The following CAPN9 variants were observed in gnomAD, a reference collection of about 807,000 sequenced individuals.
CAPN9 encodes calpain 9, also known as calpain-9.
Under a neutral mutation model 92.8 loss-of-function variants are expected in CAPN9, and 81 were observed. The observed-to-expected ratio is 0.87, with a 90% confidence interval of 0.73 to 1.05. The LOEUF is 1.05. Ranked by LOEUF, CAPN9 falls within the 50% of genes least tolerant of loss-of-function variation. The pLI, the probability that CAPN9 is intolerant of heterozygous loss-of-function variation, is 0.00. For synonymous variants in CAPN9, 304 were observed against 328.0 expected (o/e 0.93, Z 0.79); for missense variants, 848 against 866.2 (o/e 0.98, Z 0.26).
At chr1:230,773,452 T>G (rs957591422) in intron 7 of CAPN9, among the ~76,000 whole-genome samples, 8 of 152,228 alleles carry the variant, frequency 5.3e-5, no homozygotes, top group African/African-American at 1.9e-4. Context: ...AATGGGCCAT[T>G]GTCTCCCATT....
intron 11 of CAPN9, among the ~76,000 whole-genome samples, chr1:230,783,012 G>A (rs1055021626): frequency 3.9e-5 from 6 of 152,028 alleles, no homozygotes; most frequent in East Asian, 1.9e-4. Context: ...GTGAGACTCC[G>A]TCTAAAAAAA....
At chr1:230,757,599 C>T (rs973876602) in intron 2 of CAPN9, among the ~76,000 whole-genome samples, 2 of 151,604 alleles carry the variant, frequency 1.3e-5, no homozygotes, top group African/African-American at 4.9e-5. Flanking sequence ...ACTAGAACAT[C>T]TGGTCATGTA....
rs541625770 is a variant in CAPN9, at chr1:230,791,923, A to G, written c.1717A>G (p.Met573Val). ...LISCKNIISL[M>V]DTSGNGKLEF... ...CTCCTGTAAAAACATCATTTCCCTG[A>G]TGGACGTATCCTTCCAAATATTTGA... Residue 573 changes from methionine to valine, a missense_variant, in exon 15 of 20, where the codon ATG becomes GTG. Transcript: ENST00000271971. 3.5e-5 allele frequency: 57 copies of G among 1,609,892 alleles called. 1 individual carries two copies. Among genetic ancestry groups the G allele is most frequent in the South Asian group, 2.4e-4 (22 of 90,964 alleles).
In CAPN9 at chr1:230,780,627, T is replaced by A; in HGVS notation, c.1400T>A (p.Ile467Asn). 6.2e-7 allele frequency: 1 copy of A among 1,614,138 alleles called. No individual in the cohort carries two copies. The highest frequency in any genetic ancestry group is 1.1e-5 in the South Asian group (1 of 91,078). Residue 467 changes from isoleucine (I) to asparagine (N), a missense_variant, in exon 11 of 20, where the codon ATC (isoleucine) becomes AAC (asparagine). Coordinates refer to ENST00000271971, the MANE Select transcript of CAPN9 (RefSeq NM_006615.3). Reference sequence around the variant, plus strand: ...TTCAAGCTGCCCCCTGGGGAGTACATCCTGATTCCCAGCACTTTTGAGCCC... The same window carrying A: ...TTCAAGCTGCCCCCTGGGGAGTACAACCTGATTCCCAGCACTTTTGAGCCC... The part of the protein sequence containing the change: ...DRFKLPPGEY[I>N]LIPSTFEPHQ...
In CAPN9 at chr1:230,780,830, CA is replaced by C; in HGVS notation, c.1481+124del. 4.2e-6 allele frequency: 3 copies of C among 714,902 alleles called. No homozygotes were observed. In the South Asian group the frequency reaches 5.2e-5, roughly 12 times the overall value. 44.3% of individuals were successfully genotyped at this position (714,902 alleles called of 1,614,324 possible). A position where few individuals can be genotyped will look rare whatever the true frequency, so the allele number is the denominator to read the frequency against. On this transcript the variant is annotated intron_variant, in intron 11 of 19. Transcript: ENST00000271971. ...CCCTTTCCCATGTGTACCTGAGAAA[CA>C]AGGCAGGATGGTTTCTTTCTTTTCT...
intron 14 of CAPN9, among the ~76,000 whole-genome samples, chr1:230,791,653 G>A (rs547211216): frequency 1.1e-4 from 16 of 152,216 alleles, no homozygotes; most frequent in East Asian, 3.9e-4. Context: ...GGATGAAGGC[G>A]TATTCCCACT....
intron 1 of CAPN9, among the ~76,000 whole-genome samples, chr1:230,748,477 G>A (rs1664571308): frequency 1.3e-5 from 2 of 152,184 alleles, no homozygotes; most frequent in South Asian, 4.1e-4. Context: ...AGGAGGGGCA[G>A]TACAAGGGAT....
intron 3 of CAPN9, among the ~76,000 whole-genome samples, chr1:230,759,962 C>G (rs1433784100): frequency 2.0e-5 from 3 of 152,180 alleles, no homozygotes; most frequent in Non-Finnish European, 4.4e-5. Context: ...ATTATACCTC[C>G]AGGAAACTGG....
At chr1:230,764,156 TA>T (rs1401335542) in intron 4 of CAPN9, among the ~76,000 whole-genome samples, 1 of 152,208 alleles carries the variant, frequency 6.6e-6, no homozygotes. Context: ...GGTGAAGCAT[TA>T]TTTCTGGGTG....
chr1:230,774,640 C>T lies in CAPN9; in HGVS notation c.953+9C>T, dbSNP rs193126303. The T allele has an allele frequency of 1.5e-5, 24 of 1,609,304 alleles. No individual in the cohort carries two copies. The African/African-American group carries it at 2.7e-4, about 18-fold the overall frequency. On this transcript the variant is annotated intron_variant, in intron 8 of 19. Transcript: ENST00000271971. ...GATGATGGGGAATTCTGGTACCGTG[C>T]TTGTTCCTGTGTTAACTGCAGATAC...
At chr1:230,767,731 A>C (rs771580006) in intron 5 of CAPN9, 22 bp downstream of exon 5, 2 of 1,608,248 alleles carry the variant, frequency 1.2e-6, no homozygotes, top group South Asian at 2.2e-5. Context: ...ATGGGCTCCC[A>C]TTCCAGGCAC....
At position 230,779,554 on chromosome 1, in the gene CAPN9, G is replaced by A. The variant is rs75212557; in HGVS notation, c.1114+421G>A. 2.0e-5 allele frequency among the ~76,000 whole-genome samples: 3 copies of A among 152,222 alleles called. No individual in the cohort carries two copies. In the East Asian group the frequency reaches 5.8e-4, roughly 29 times the overall value. Reference sequence around the variant, plus strand: ...TTTCTTTATAATCACAGGAGGGCTGGCAGCAGTATCCAGGGCTTCCTGAGC... The same window carrying A: ...TTTCTTTATAATCACAGGAGGGCTGACAGCAGTATCCAGGGCTTCCTGAGC... On this transcript the variant is annotated intron_variant, in intron 9 of 19. Coordinates refer to ENST00000271971, the MANE Select transcript of CAPN9 (RefSeq NM_006615.3).
chr1:230,780,477 C>T (rs2102897530), intron 10 of CAPN9, 23 bp from the exon 11 acceptor site: 2 of 1,611,534 alleles, frequency 1.2e-6, no homozygotes, highest in South Asian at 2.2e-5. Context: ...CTAGGAAACC[C>T]CTCCCTTTCT....
chr1:230,778,995 G>T lies in CAPN9; in HGVS notation c.976G>T (p.Ala326Ser), dbSNP rs763956045. 2 of 1,613,604 alleles carry T rather than the reference G, an allele frequency of 1.2e-6. No individual in the cohort carries two copies. Among genetic ancestry groups the T allele is most frequent in the African/African-American group, 1.3e-5 (1 of 74,882 alleles). ...CAGGATGGCATTTAAGGACTTCAAGGCCCACTTTGATAAAGTGGAGATCTG... is the reference window on the plus strand; with the variant it reads ...CAGGATGGCATTTAAGGACTTCAAGTCCCACTTTGATAAAGTGGAGATCTG... ...EFWMAFKDFK[A>S]HFDKVEICNL... The change falls in exon 9 of 20, where the codon GCC becomes TCC. Residue 326 changes from alanine to serine, a missense_variant. Transcript: ENST00000271971.
In CAPN9 at chr1:230,787,379, C is replaced by T. The variant is rs1293211852; in HGVS notation, c.1519-143C>T. On this transcript the variant is annotated intron_variant, in intron 12 of 19. Transcript: ENST00000271971. ...AGCCTTCATGAGAAAATGTTCCTCA[C>T]GCTACAGGACGCAGCTTGTGCACAC... is the stretch of plus-strand genomic sequence containing the variant. 6.2e-5 allele frequency: 39 copies of T among 631,862 alleles called. 2 individuals are homozygous for T. The highest frequency in any genetic ancestry group is 4.6e-4 in the South Asian group (23 of 49,802). The allele number at this position is 631,862 out of a possible 1,614,324, so 39.1% of individuals were successfully genotyped here. A position where few individuals can be genotyped will look rare whatever the true frequency, so the allele number is the denominator to read the frequency against.
chr1:230,750,649 A>G (rs1316445), intron 1 of CAPN9, among the ~76,000 whole-genome samples: 33,554 of 152,090 alleles, frequency 0.22, 4,860 homozygotes, highest in African/African-American at 0.41. Flanking sequence ...CACGGTGCAC[A>G]TCTCAGCAGC....
chr1:230,794,953 C>T (rs1007332704), intron 17 of CAPN9, among the ~76,000 whole-genome samples: 2 of 152,226 alleles, frequency 1.3e-5, no homozygotes, highest in East Asian at 1.9e-4. Context: ...CCCGCACACT[C>T]GCCCCTGCAC....
chr1:230,773,326 T>G (rs192101640), intron 7 of CAPN9, among the ~76,000 whole-genome samples: 3 of 152,190 alleles, frequency 2.0e-5, no homozygotes, highest in African/African-American at 7.2e-5. Flanking sequence ...TTGGCCTCCC[T>G]CTCCTGGCAG....
rs746214842 is a variant in CAPN9, at chr1:230,795,220, A to C, written c.1928A>C (p.Glu643Ala). Residue 643 changes from glutamate (E) to alanine (A), a missense_variant, in exon 18 of 20, where the codon GAG becomes GCG. Coordinates refer to ENST00000271971, the MANE Select transcript of CAPN9 (RefSeq NM_006615.3). The part of the protein sequence containing the change: ...QLIVLRYADE[E>A]LQLDFDDFLN... ...ATTGTGCTCAGGTATGCGGATGAGG[A>C]GCTCCAGCTGGACTTCGATGACTTC... The C allele has an allele frequency of 2.5e-6, 4 of 1,613,530 alleles. No homozygotes were observed. Among genetic ancestry groups the C allele is most frequent in the Non-Finnish European group, 3.4e-6 (4 of 1,179,844 alleles).
Sources: allele counts gnomAD v4.1 joint callset (sites outside exome capture counted in the v4.1 genomes callset), GRCh38; gene constraint gnomAD v4.1.1; transcripts MANE v1.5; gene names NCBI Gene and HGNC (gene_info 2026-07-23, HGNC 2026-07-21).